Variants in CDK6 observed in about 807,000 individuals in gnomAD.
The protein encoded by CDK6 is cyclin-dependent kinase 6.
A neutral mutation model predicts 37.1 loss-of-function variants in CDK6; 6 were observed. The ratio of observed to expected loss-of-function variants is 0.16; its 90% CI spans 0.09 to 0.32. CDK6 has a LOEUF of 0.32. CDK6 is among the 10% of genes least tolerant of loss of function. CDK6 has a pLI of 1.00. For synonymous variants in CDK6, 160 were observed against 161.3 expected, an observed-to-expected ratio of 0.99 and a Z score of 0.06; for missense variants, 224 against 418.9, an observed-to-expected ratio of 0.53 and a Z score of 4.06.
At chr7:92,739,826 C>A (rs1798875527) in intron 3 of CDK6, among the ~76,000 whole-genome samples, 1 of 152,170 alleles carries the variant, frequency 6.6e-6, no homozygotes, top group African/African-American at 2.4e-5. Context: ...AGTGGTGAAG[C>A]TCACTGCAGC....
At chr7:92,733,227 T>C (rs1322478697) in intron 3 of CDK6, among the ~76,000 whole-genome samples, 1 of 152,200 alleles carries the variant, frequency 6.6e-6, no homozygotes, top group Non-Finnish European at 1.5e-5. Context: ...CCTTTTCTCT[T>C]TGAGGTGTGT....
intron 4 of CDK6, among the ~76,000 whole-genome samples, chr7:92,681,940 T>A (rs1797346525): frequency 6.6e-6 from 1 of 152,172 alleles, no homozygotes; most frequent in South Asian, 2.1e-4. Flanking sequence ...GTATCTCAAA[T>A]TCAAAATGCA....
In CDK6 at chr7:92,692,092, A is replaced by G. The variant is rs11520971; in HGVS notation, c.538-20557T>C. ...AAACCAGCCTGACCAACATGGGGAA[A>G]CTCCATCTCTATTAAAATACAAAAT... On this transcript the variant is annotated intron_variant, in intron 4 of 7. Transcript: ENST00000424848. Among the ~76,000 whole-genome samples the G allele has an allele frequency of 3.3e-3, 498 of 151,878 alleles. 3 individuals are homozygous for G. The highest frequency in any genetic ancestry group is 5.8e-3 in the Non-Finnish European group (392 of 67,954).
chr7:92,620,630 A>G (rs3731365), intron 6 of CDK6, among the ~76,000 whole-genome samples: 32 of 152,314 alleles, frequency 2.1e-4, no homozygotes, highest in East Asian at 1.9e-3. Flanking sequence ...GTATGTGAAC[A>G]TGGACCAGGT....
At chr7:92,740,828 C>T (rs1048063456) in intron 3 of CDK6, among the ~76,000 whole-genome samples, 2 of 152,130 alleles carry the variant, frequency 1.3e-5, no homozygotes, top group African/African-American at 4.8e-5. Flanking sequence ...ACACACAAGG[C>T]CCATATCATC....
intron 6 of CDK6, among the ~76,000 whole-genome samples, chr7:92,622,523 G>A (rs1203573374): frequency 6.6e-6 from 1 of 152,098 alleles, no homozygotes; most frequent in Non-Finnish European, 1.5e-5. Context: ...GAGTTATTTT[G>A]CCAAAGACTT....
At position 92,653,105 on chromosome 7, in the gene CDK6, G is replaced by GT. The variant is rs149804884; in HGVS notation, c.647+18320dup. On this transcript the variant is annotated intron_variant, in intron 5 of 7. Transcript: ENST00000424848. ...CTTTGTGTATAGCTTTAATAGAAAC[G>GT]TATTTTATCCTTGTAGGTTCTTTTC... Among the ~76,000 whole-genome samples, 1,132 of 152,238 alleles carry GT rather than the reference G, an allele frequency of 7.4e-3. 11 individuals carry two copies. Among genetic ancestry groups the GT allele is most frequent in the African/African-American group, 0.026 (1,081 of 41,536 alleles).
Position 92,607,342 on chromosome 7 carries a change from C to T in CDK6, c.*7798G>A. 1 of 233,334 alleles carries T rather than the reference C, an allele frequency of 4.3e-6. No individual in the cohort carries two copies. The highest frequency in any genetic ancestry group is 8.5e-6 in the Non-Finnish European group (1 of 117,976). The allele number at this position is 233,334 out of a possible 1,614,324, so 14.5% of individuals were successfully genotyped here. A position where few individuals can be genotyped will look rare whatever the true frequency, so the allele number is the denominator to read the frequency against. On this transcript the variant is annotated 3_prime_UTR_variant, in exon 8 of 8. Transcript: ENST00000424848. Reference sequence around the variant, plus strand: ...ACCTGGCACAGTTTCTAAATTAAGGCATATCTAAAATGCTTTTCTACCTTT... The same window carrying T: ...ACCTGGCACAGTTTCTAAATTAAGGTATATCTAAAATGCTTTTCTACCTTT...
chr7:92,681,043 G>T (rs1797324047), intron 4 of CDK6, among the ~76,000 whole-genome samples: 1 of 152,172 alleles, frequency 6.6e-6, no homozygotes, highest in Non-Finnish European at 1.5e-5. Context: ...AATAACCACA[G>T]GAAACTCCCA....
chr7:92,766,302 T>C (rs1799578900), intron 3 of CDK6, among the ~76,000 whole-genome samples: 1 of 152,110 alleles, frequency 6.6e-6, no homozygotes, highest in East Asian at 1.9e-4. Flanking sequence ...AGTAGTCAGA[T>C]TGGGGATATC....
intron 4 of CDK6, among the ~76,000 whole-genome samples, chr7:92,673,672 T>C (rs1242810891): frequency 1.3e-5 from 2 of 152,230 alleles, no homozygotes; most frequent in African/African-American, 4.8e-5. Context: ...AAAATCCCCA[T>C]GGGGTTTTAG....
intron 5 of CDK6, among the ~76,000 whole-genome samples, chr7:92,663,701 C>CA (rs113184787): frequency 0.015 from 1,810 of 118,384 alleles, 39 homozygotes; most frequent in African/African-American, 0.047. Flanking sequence ...ACTCTGTCTC[C>CA]AAAAAAAAAA....
chr7:92,781,635 T>C (rs1285930501), intron 2 of CDK6, among the ~76,000 whole-genome samples: 1 of 152,194 alleles, frequency 6.6e-6, no homozygotes, highest in Non-Finnish European at 1.5e-5. Context: ...GTGATTAAAC[T>C]TTGACCCATT....
intron 6 of CDK6, among the ~76,000 whole-genome samples, chr7:92,621,098 C>T (rs567858843): frequency 1.3e-5 from 2 of 152,302 alleles, no homozygotes; most frequent in South Asian, 2.1e-4. Context: ...TTTATATTGG[C>T]AAGCCCAACA....
chr7:92,693,629 G>T (rs995954097), intron 4 of CDK6, among the ~76,000 whole-genome samples: 1 of 152,088 alleles, frequency 6.6e-6, no homozygotes, highest in African/African-American at 2.4e-5. Context: ...TTGTTGAAAA[G>T]AATTCTTTTT....
At chr7:92,832,338 CAGAACA>C (rs1562979604) in intron 2 of CDK6, among the ~76,000 whole-genome samples, 1 of 152,186 alleles carries the variant, frequency 6.6e-6, no homozygotes, top group African/African-American at 2.4e-5. Context: ...AAAGCATGGG[CAGAACA>C]TTTATGATCT....
chr7:92,700,629 C>T (rs1797821536), intron 4 of CDK6, among the ~76,000 whole-genome samples: 1 of 152,144 alleles, frequency 6.6e-6, no homozygotes, highest in East Asian at 1.9e-4. Flanking sequence ...AGGGAGTGGA[C>T]CGAGTTGGAC....
chr7:92,712,280 A>G (rs912440870), intron 4 of CDK6, among the ~76,000 whole-genome samples: 5 of 152,208 alleles, frequency 3.3e-5, no homozygotes, highest in African/African-American at 1.2e-4. Context: ...TCTATCTTAT[A>G]AATGGGGCTA....
chr7:92,682,477 G>T (rs760205067), intron 4 of CDK6, among the ~76,000 whole-genome samples: 1 of 152,106 alleles, frequency 6.6e-6, no homozygotes, highest in African/African-American at 2.4e-5. Flanking sequence ...CTAGTCCTCC[G>T]CAAGCATAAA....
Sources: gnomAD v4.1 joint callset for allele counts (sites outside exome capture counted in the v4.1 genomes callset) on GRCh38, gnomAD v4.1.1 for gene constraint, MANE v1.5 for transcripts, NCBI Gene and HGNC (gene_info 2026-07-23, HGNC 2026-07-21) for gene names.